The following SLC12A7 variants were observed in gnomAD, a reference collection of about 807,000 sequenced individuals.
SLC12A7 encodes the protein K-Cl cotransporter 4.
A neutral mutation model predicts 120.6 loss-of-function variants in SLC12A7; 100 were observed. The observed-to-expected ratio is 0.83, with a 90% confidence interval of 0.71 to 0.98. The LOEUF (loss-of-function observed/expected upper bound fraction) is 0.98, where lower values mean the gene tolerates loss of function less well. Ranked by LOEUF, SLC12A7 falls within the 50% of genes least tolerant of loss-of-function variation. SLC12A7 has a pLI of 0.00. For missense variants in SLC12A7, 1,373 were observed against 1,548.1 expected, an observed-to-expected ratio of 0.89 and a Z score of 1.90; for synonymous variants, 760 against 678.0, an observed-to-expected ratio of 1.12 and a Z score of -1.88.
rs754861179 is a variant in SLC12A7, at chr5:1,074,737, G to T, written c.1968-66C>A. ...GGAGGCTCCTCTCCCACCTGGGAAA[G>T]GGGACTTCTGGGGGCAGGTGAGTTG... On this transcript the variant is annotated intron_variant, in intron 15 of 23. Transcript: ENST00000264930. 2.8e-6 allele frequency: 4 copies of T among 1,436,360 alleles called. No individual in the cohort carries two copies. The African/African-American group carries it at 5.6e-5, about 20-fold the overall frequency. 89.0% of individuals were successfully genotyped at this position (1,436,360 alleles called of 1,614,324 possible).
chr5:1,104,835 C>A (rs1022698196), intron 1 of SLC12A7, among the ~76,000 whole-genome samples: 3 of 152,242 alleles, frequency 2.0e-5, no homozygotes, highest in African/African-American at 7.2e-5. Context: ...GAAACAGGCA[C>A]GGGCTGGCAG....
chr5:1,155,640 C>A, the SLC12A7 span, among the ~76,000 whole-genome samples: 2 of 151,290 alleles, frequency 1.3e-5, no homozygotes, highest in African/African-American at 4.8e-5. Flanking sequence ...CCCACCTGCG[C>A]CCCTCGAGGG....
Position 1,056,496 on chromosome 5 carries a change from C to T in SLC12A7, c.3026+975G>A, listed in dbSNP as rs1226599690. On this transcript the variant is annotated intron_variant, in intron 22 of 23. Coordinates refer to ENST00000264930, the MANE Select transcript of SLC12A7 (RefSeq NM_006598.3). ...GGGGCAGGCACAGGCCTAGAACACG[C>T]GCACAGACACACGCAGGCCACACAC... 3.1e-5 allele frequency: 21 copies of T among 678,068 alleles called. No individual in the cohort carries two copies. The East Asian group carries it at 5.4e-4, about 18-fold the overall frequency. The allele number at this position is 678,068 out of a possible 1,614,324, so 42.0% of individuals were successfully genotyped here.
chr5:1,056,570 G>A (rs529295146), intron 22 of SLC12A7: 5 of 985,376 alleles, frequency 5.1e-6, no homozygotes, highest in Admixed American at 1.2e-4. Context: ...TGGTTGTAGC[G>A]AGTGGACTTA....
intron 17 of SLC12A7, among the ~76,000 whole-genome samples, chr5:1,066,061 G>A (rs1224005497): frequency 6.6e-6 from 1 of 152,240 alleles, no homozygotes; most frequent in Admixed American, 6.5e-5. Context: ...TTGCACGTGC[G>A]TGGCCGAGGA....
At chr5:1,056,219 A>G (rs1407757900) in intron 22 of SLC12A7, among the ~76,000 whole-genome samples, 1 of 152,196 alleles carries the variant, frequency 6.6e-6, no homozygotes, top group Non-Finnish European at 1.5e-5. Flanking sequence ...CGACTCAGCT[A>G]GCGCCTGACC....
In SLC12A7 at chr5:1,094,851, G is replaced by A. The variant is rs930276664; in HGVS notation, c.125-603C>T. Among the ~76,000 whole-genome samples, 4 of 152,136 alleles carry A rather than the reference G, an allele frequency of 2.6e-5. No individual in the cohort carries two copies. In the South Asian group the frequency reaches 6.2e-4, roughly 24 times the overall value. On this transcript the variant is annotated intron_variant, in intron 1 of 23. Transcript: ENST00000264930. ...AGTCTTTCAGGAAGGCTGGGCCGGC[G>A]ACCCCTCCATGGGGCTGAGCCCAGG...
chr5:1,065,267 C>T lies in SLC12A7; in HGVS notation c.2437+16G>A, dbSNP rs761626646. 21 of 1,541,338 alleles carry T rather than the reference C, an allele frequency of 1.4e-5. No homozygotes were observed. The highest frequency in any genetic ancestry group is 9.5e-5 in the Admixed American group (5 of 52,680). ...GGACGGTGAGGGGATGCCGAAGGGCCGCCAGCCATGCCTACCCACAAAGTT... is the reference window on the plus strand; with the variant it reads ...GGACGGTGAGGGGATGCCGAAGGGCTGCCAGCCATGCCTACCCACAAAGTT... On this transcript the variant is annotated intron_variant, in intron 18 of 23. Transcript: ENST00000264930.
chr5:1,110,418 A>T (rs1051813164), intron 1 of SLC12A7, among the ~76,000 whole-genome samples: 1 of 152,254 alleles, frequency 6.6e-6, no homozygotes, highest in African/African-American at 2.4e-5. Context: ...CCTGCTGGGC[A>T]GACACAGGCC....
the SLC12A7 span, among the ~76,000 whole-genome samples, chr5:1,142,739 G>A: frequency 6.7e-6 from 1 of 149,086 alleles, no homozygotes; most frequent in Non-Finnish European, 1.5e-5. Context: ...CCAGGCAGGA[G>A]GTGCTCACGG....
intron 21 of SLC12A7, among the ~76,000 whole-genome samples, chr5:1,058,973 C>G (rs981556962): frequency 2.6e-5 from 4 of 152,208 alleles, no homozygotes; most frequent in Admixed American, 2.6e-4. Flanking sequence ...GTTCCCGCTC[C>G]CGGTCCCTCC....
At chr5:1,089,223 G>A (rs1037604994) in intron 3 of SLC12A7, 95 bp from the exon 4 acceptor site, 34 of 1,402,996 alleles carry the variant, frequency 2.4e-5, no homozygotes, top group East Asian at 1.6e-4. Context: ...CAGGCAAAGC[G>A]GCCGTGGGGG....
chr5:1,077,063 C>CCA (rs1449495044), intron 12 of SLC12A7, among the ~76,000 whole-genome samples: 2 of 151,914 alleles, frequency 1.3e-5, no homozygotes, highest in Admixed American at 6.6e-5. Context: ...AGCCTGCCCC[C>CCA]CCGCCTCAGT....
chr5:1,074,013 G>C (rs1413007488), intron 16 of SLC12A7, among the ~76,000 whole-genome samples: 1 of 152,170 alleles, frequency 6.6e-6, no homozygotes, highest in African/African-American at 2.4e-5. Flanking sequence ...AGGTGAGACA[G>C]GCCACAGAAG....
chr5:1,151,936 G>A, the SLC12A7 span, among the ~76,000 whole-genome samples: 15 of 152,138 alleles, frequency 9.9e-5, no homozygotes, highest in Non-Finnish European at 1.5e-4. This position sits in a 1 kb window ranked among gnomAD's most constrained non-coding sequence, Gnocchi z 6.2. Flanking sequence ...CGCTGAAACC[G>A]TCCCACAGAG....
chr5:1,122,740 G>A, the SLC12A7 span, among the ~76,000 whole-genome samples: 4 of 152,210 alleles, frequency 2.6e-5, no homozygotes, highest in Non-Finnish European at 4.4e-5. Flanking sequence ...GCTGTAGCCC[G>A]TGCCAGCATC....
At chr5:1,100,954 T>A (rs911234394) in intron 1 of SLC12A7, among the ~76,000 whole-genome samples, 19 of 152,284 alleles carry the variant, frequency 1.2e-4, no homozygotes, top group African/African-American at 3.6e-4. Flanking sequence ...TGGCTCTGCA[T>A]GGTGACCACC....
Position 1,065,412 on chromosome 5 carries a change from G to A in SLC12A7, c.2308C>T (p.Leu770=), listed in dbSNP as rs375627341. 12 of 1,612,288 alleles carry A rather than the reference G, an allele frequency of 7.4e-6. No homozygotes were observed. The Admixed American group carries it at 1.0e-4, about 13-fold the overall frequency. The change falls in exon 18 of 24, where the codon CTG becomes TTG. Residue 770 remains leucine (L), a synonymous_variant. Transcript: ENST00000264930. ...GFCQLVVSSS[L]RDGMSHLIQS... Reference sequence around the variant, plus strand: ...ATCAGGTGGGACATGCCATCCCGCAGGCTGGACGAGACCACCAGCTGGCAG... The same window carrying A: ...ATCAGGTGGGACATGCCATCCCGCAAGCTGGACGAGACCACCAGCTGGCAG...
chr5:1,086,831 G>A, intron 6 of SLC12A7, 72 bp downstream of exon 6: 2 of 1,570,466 alleles, frequency 1.3e-6, no homozygotes, highest in East Asian at 2.2e-5. Flanking sequence ...GCCACAGAGT[G>A]GGTCAGGCAG....
Sources: gnomAD v4.1 joint callset for allele counts (sites outside exome capture counted in the v4.1 genomes callset) on GRCh38, gnomAD v4.1.1 for gene constraint, Gnocchi (gnomAD v3.1) non-coding constraint, MANE v1.5 for transcripts, NCBI Gene and HGNC (gene_info 2026-07-23, HGNC 2026-07-21) for gene names.